Variants in HS3ST1 observed in about 807,000 individuals in gnomAD.
HS3ST1 encodes heparan sulfate glucosamine 3-O-sulfotransferase 1.
In HS3ST1, 8 loss-of-function variants were observed where a neutral mutation model predicts 20.7. The ratio of observed to expected loss-of-function variants is 0.39; its 90% CI spans 0.23 to 0.70. The LOEUF (loss-of-function observed/expected upper bound fraction) is 0.70, where lower values mean the gene tolerates loss of function less well. Ranked by LOEUF, HS3ST1 falls within the 30% of genes least tolerant of loss-of-function variation. HS3ST1 has a pLI of 0.46. For synonymous variants in HS3ST1, 205 were observed against 190.4 expected, an observed-to-expected ratio of 1.08 and a Z score of -0.63; for missense variants, 436 against 423.4, an observed-to-expected ratio of 1.03 and a Z score of -0.26.
chr4:11,407,622 A>G (rs765625137), intron 1 of HS3ST1, among the ~76,000 whole-genome samples: 3 of 152,222 alleles, frequency 2.0e-5, no homozygotes, highest in Non-Finnish European at 4.4e-5. Context: ...ATTATTGTCC[A>G]GATCAGGTGA....
At chr4:11,413,448 C>A (rs1437605088) in intron 1 of HS3ST1, among the ~76,000 whole-genome samples, 1 of 152,126 alleles carries the variant, frequency 6.6e-6, no homozygotes, top group Non-Finnish European at 1.5e-5. Context: ...GTTTGTGCCA[C>A]ATATGACACT....
intron 1 of HS3ST1, among the ~76,000 whole-genome samples, chr4:11,420,297 A>T (rs1207978476): frequency 2.0e-5 from 3 of 152,246 alleles, no homozygotes; most frequent in Non-Finnish European, 2.9e-5. Context: ...TGGAAATGCA[A>T]CATTTTCACA....
chr4:11,399,524 A>G lies in HS3ST1; in HGVS notation c.482T>C (p.Phe161Ser). ...CTTGTGCTTCTGCATGTGGTTGTAG[A>G]ACACTTGGGTGTAGTCAGATAGCAC... Reference protein sequence around the residue: ...ERVLSDYTQVFYNHMQKHKPY... With the variant: ...ERVLSDYTQVSYNHMQKHKPY... Residue 161 changes from phenylalanine to serine, a missense_variant, in exon 2 of 2, where the codon TTC becomes TCC. Physicochemically the swap from Phe to Ser is radical, Grantham distance 155. Coordinates refer to ENST00000002596, the MANE Select transcript of HS3ST1 (RefSeq NM_005114.4). The surrounding 1 kb of genome is among the most constrained non-coding windows in gnomAD (Gnocchi z 5.1). 4 of 1,613,922 alleles carry G rather than the reference A, an allele frequency of 2.5e-6. No homozygotes were observed. The highest frequency in any genetic ancestry group is 3.4e-6 in the Non-Finnish European group (4 of 1,180,010).
In HS3ST1 at chr4:11,399,774, G is replaced by A. The variant is rs1182486606; in HGVS notation, c.232C>T (p.Pro78Ser). ...TCGTTCTCCGCGGCCGCCACGTCGGGGTGCAGGCTGAGCATCTCCAGCAGT... is the reference window on the plus strand; with the variant it reads ...TCGTTCTCCGCGGCCGCCACGTCGGAGTGCAGGCTGAGCATCTCCAGCAGT... ...RALLEMLSLH[P>S]DVAAAENEVH... The change falls in exon 2 of 2, where the codon CCC becomes TCC. Residue 78 changes from proline to serine, a missense_variant. By Grantham distance (74) the Pro-to-Ser change is moderately conservative (BLOSUM62 -1). Coordinates refer to ENST00000002596, the MANE Select transcript of HS3ST1 (RefSeq NM_005114.4). The surrounding 1 kb of genome is among the most constrained non-coding windows in gnomAD (Gnocchi z 5.1). The A allele has an allele frequency of 1.9e-6, 3 of 1,613,670 alleles. No homozygotes were observed. The highest frequency in any genetic ancestry group is 1.1e-5 in the South Asian group (1 of 91,076).
At chr4:11,426,430 T>C (rs530787646) in intron 1 of HS3ST1, among the ~76,000 whole-genome samples, 24 of 148,938 alleles carry the variant, frequency 1.6e-4, no homozygotes, top group African/African-American at 6.0e-4. Context: ...GAAAAGTACA[T>C]GCTCCAACTT....
chr4:11,432,798 A>G (rs1043067509), upstream of HS3ST1, among the ~76,000 whole-genome samples: 2 of 152,204 alleles, frequency 1.3e-5, no homozygotes, highest in Admixed American at 6.5e-5. Flanking sequence ...GAGAGGGGAA[A>G]TGAGGGTCAC....
In HS3ST1 at chr4:11,407,020, A is replaced by G. The variant is rs74863848; in HGVS notation, c.-108-6907T>C. On this transcript the variant is annotated intron_variant, in intron 1 of 1. Coordinates refer to ENST00000002596, the MANE Select transcript of HS3ST1 (RefSeq NM_005114.4). Reference sequence around the variant, plus strand: ...TCCTTGGCAGGTCATTTTAGAAACAATGAAATTGGAAATACGTTTAGTTTG... The same window carrying G: ...TCCTTGGCAGGTCATTTTAGAAACAGTGAAATTGGAAATACGTTTAGTTTG... 8.6e-3 allele frequency among the ~76,000 whole-genome samples: 1,308 copies of G among 152,348 alleles called. 19 individuals are homozygous for G. The highest frequency in any genetic ancestry group is 0.03 in the African/African-American group (1,246 of 41,578).
At chr4:11,406,706 C>T (rs537526331) in intron 1 of HS3ST1, among the ~76,000 whole-genome samples, 80 of 152,232 alleles carry the variant, frequency 5.3e-4, no homozygotes, top group African/African-American at 1.8e-3. Context: ...CAAGGGAGAG[C>T]TTACTTAAAA....
Position 11,398,414 on chromosome 4 carries a change from A to C in HS3ST1, c.*668T>G, listed in dbSNP as rs1257041550. 6.6e-6 allele frequency: 1 copy of C among 152,258 alleles called. No homozygotes were observed. Among genetic ancestry groups the C allele is most frequent in the Non-Finnish European group, 1.5e-5 (1 of 68,052 alleles). 9.4% of individuals were successfully genotyped at this position (152,258 alleles called of 1,614,324 possible). A position where few individuals can be genotyped will look rare whatever the true frequency, so the allele number is the denominator to read the frequency against. On this transcript the variant is annotated 3_prime_UTR_variant, in exon 2 of 2. Transcript: ENST00000002596. ...TATTATAACTGCTGAGATCAGAAGCATGTGCAAATATTCTTTGAGGTCAAG... is the reference window on the plus strand; with the variant it reads ...TATTATAACTGCTGAGATCAGAAGCCTGTGCAAATATTCTTTGAGGTCAAG...
At position 11,394,820 on chromosome 4, in the gene HS3ST1, A is replaced by T. The variant is rs1718092217; in HGVS notation, c.*4262T>A. On this transcript the variant is annotated 3_prime_UTR_variant, in exon 2 of 2. Coordinates refer to ENST00000002596, the MANE Select transcript of HS3ST1 (RefSeq NM_005114.4). Reference sequence around the variant, plus strand: ...ATTTCTGAGTTTATTTTTCTGTAAAATTAGTAGCCCATTTTCTACTTCCTA... The same window carrying T: ...ATTTCTGAGTTTATTTTTCTGTAAATTTAGTAGCCCATTTTCTACTTCCTA... 6.6e-6 allele frequency: 1 copy of T among 152,208 alleles called. No homozygotes were observed. The highest frequency in any genetic ancestry group is 1.5e-5 in the Non-Finnish European group (1 of 68,030). The allele number at this position is 152,208 out of a possible 1,614,324, so 9.4% of individuals were successfully genotyped here.
Position 11,397,543 on chromosome 4 carries a change from T to C in HS3ST1, c.*1539A>G, listed in dbSNP as rs541708100. 1.2e-4 allele frequency: 18 copies of C among 152,180 alleles called. No homozygotes were observed. Among genetic ancestry groups the C allele is most frequent in the African/African-American group, 4.3e-4 (18 of 41,508 alleles). The allele number at this position is 152,180 out of a possible 1,614,324, so 9.4% of individuals were successfully genotyped here. Reference sequence around the variant, plus strand: ...CTTTTCCTTTTGAGTTCAGAAAGAGTTGGGTAAAAACTAAATACATAAATA... The same window carrying C: ...CTTTTCCTTTTGAGTTCAGAAAGAGCTGGGTAAAAACTAAATACATAAATA... On this transcript the variant is annotated 3_prime_UTR_variant, in exon 2 of 2. Coordinates refer to ENST00000002596, the MANE Select transcript of HS3ST1 (RefSeq NM_005114.4).
rs1718049253 is a variant in HS3ST1, at chr4:11,393,240, A to C, written c.*5842T>G. On this transcript the variant is annotated 3_prime_UTR_variant, in exon 2 of 2. Transcript: ENST00000002596. Reference sequence around the variant, plus strand: ...ATACCTTCATATTTGTTGGGCCCAGAATTGTTTTATGAAGTTGAAATTTAA... The same window carrying C: ...ATACCTTCATATTTGTTGGGCCCAGCATTGTTTTATGAAGTTGAAATTTAA... 6.6e-6 allele frequency: 1 copy of C among 152,216 alleles called. No homozygotes were observed. The allele number at this position is 152,216 out of a possible 1,614,324, so 9.4% of individuals were successfully genotyped here. A position where few individuals can be genotyped will look rare whatever the true frequency, so the allele number is the denominator to read the frequency against.
chr4:11,433,482 C>A (rs962398826), upstream of HS3ST1, among the ~76,000 whole-genome samples: 1 of 152,178 alleles, frequency 6.6e-6, no homozygotes, highest in South Asian at 2.1e-4. Context: ...GTATTGCAGG[C>A]TTGAAGTGGT....
At chr4:11,429,206 A>C (rs1719150145), upstream of HS3ST1, 2 of 152,452 alleles carry the variant, frequency 1.3e-5, no homozygotes, top group Admixed American at 1.3e-4. Context: ...TTTCAGTCCA[A>C]GGGGAGGGAC....
chr4:11,401,223 A>G (rs113853038), intron 1 of HS3ST1, among the ~76,000 whole-genome samples: 36 of 152,324 alleles, frequency 2.4e-4, no homozygotes, highest in Middle Eastern at 3.4e-3. Context: ...AAATTACTAC[A>G]AAGTGCAAAA....
intron 1 of HS3ST1, among the ~76,000 whole-genome samples, chr4:11,425,007 C>T (rs560748050): frequency 6.6e-6 from 1 of 152,286 alleles, no homozygotes; most frequent in African/African-American, 2.4e-5. Context: ...AACAGACAGG[C>T]CTGAATTCTA....
At chr4:11,426,706 G>C (rs1279900241) in intron 1 of HS3ST1, among the ~76,000 whole-genome samples, 1 of 152,230 alleles carries the variant, frequency 6.6e-6, no homozygotes, top group Non-Finnish European at 1.5e-5. Flanking sequence ...CCACTTAAGA[G>C]TGCTTAGTCA....
At chr4:11,431,132 G>A (rs1030591554), upstream of HS3ST1, among the ~76,000 whole-genome samples, 14 of 151,340 alleles carry the variant, frequency 9.3e-5, no homozygotes, top group South Asian at 2.1e-4. Flanking sequence ...GATTATAAAC[G>A]CCTTGAGCTT....
chr4:11,401,654 A>G (rs535884978), intron 1 of HS3ST1, among the ~76,000 whole-genome samples: 74 of 152,286 alleles, frequency 4.9e-4, no homozygotes, highest in African/African-American at 1.8e-3. Flanking sequence ...TGTCACCACC[A>G]TTTTATAGAG....
Sources: allele counts gnomAD v4.1 joint callset (sites outside exome capture counted in the v4.1 genomes callset), GRCh38; gene constraint gnomAD v4.1.1; non-coding constraint Gnocchi (gnomAD v3.1); transcripts MANE v1.5; gene names NCBI Gene and HGNC (gene_info 2026-07-23, HGNC 2026-07-21).